Variants in SH3KBP1 observed in about 807,000 individuals in gnomAD.
The protein encoded by SH3KBP1 is SH3 domain-containing kinase-binding protein 1.
A neutral mutation model predicts 50.1 loss-of-function variants in SH3KBP1; 8 were observed. The ratio of observed to expected loss-of-function variants is 0.16; its 90% CI spans 0.09 to 0.29. The LOEUF (loss-of-function observed/expected upper bound fraction) is 0.29. Among genes scored for constraint, SH3KBP1 ranks in the 10% least tolerant of loss-of-function variants. SH3KBP1 has a pLI of 1.00. For synonymous variants in SH3KBP1, 227 were observed against 218.6 expected, an observed-to-expected ratio of 1.04 and a Z score of -0.34; for missense variants, 377 against 535.2, an observed-to-expected ratio of 0.70 and a Z score of 2.92.
At chrX:19,540,626 G>A (rs752753506) in intron 16 of SH3KBP1, among the ~76,000 whole-genome samples, 30 of 111,392 alleles carry the variant, frequency 2.7e-4, no homozygotes, top group African/African-American at 9.8e-4. Flanking sequence ...ACTGGCAGAG[G>A]GCTTCATCGC....
intron 16 of SH3KBP1, among the ~76,000 whole-genome samples, chrX:19,541,075 C>A (rs1390665340): frequency 9.0e-6 from 1 of 111,361 alleles, no homozygotes; most frequent in African/African-American, 3.3e-5. Flanking sequence ...CCACCACGCC[C>A]AACTAATTTT....
At chrX:19,560,167 C>A (rs971110573) in intron 13 of SH3KBP1, among the ~76,000 whole-genome samples, 7 of 108,859 alleles carry the variant, frequency 6.4e-5, no homozygotes, top group Non-Finnish European at 9.5e-5. Flanking sequence ...TTAACAATTT[C>A]TTAAATCTCC....
At chrX:19,616,463 G>C (rs1272575526) in intron 8 of SH3KBP1, among the ~76,000 whole-genome samples, 1 of 112,037 alleles carries the variant, frequency 8.9e-6, no homozygotes, top group Non-Finnish European at 1.9e-5. Context: ...ATTTCCTCTT[G>C]GGGATGCCAA....
intron 1 of SH3KBP1, among the ~76,000 whole-genome samples, chrX:19,836,989 T>C (rs1175039161): frequency 1.8e-5 from 2 of 112,281 alleles, no homozygotes; most frequent in African/African-American, 6.5e-5. Flanking sequence ...GTCATGATTG[T>C]TAAGTTTCCT....
rs1293224020 is a variant in SH3KBP1, at chrX:19,534,915, G to GT, written c.*1501dup. 3.4e-6 allele frequency: 1 copy of GT among 296,096 alleles called. No homozygotes were observed. Among genetic ancestry groups the GT allele is most frequent in the African/African-American group, 2.7e-5 (1 of 36,479 alleles). 24.4% of individuals were successfully genotyped at this position (296,096 alleles called of 1,213,427 possible). ...TCAATGATCAGTAATGTGATTTTTT[G>GT]TTTTTGCATCACTTCTTCGGTATTA... is the stretch of plus-strand genomic sequence containing the variant. On this transcript the variant is annotated 3_prime_UTR_variant, in exon 18 of 18. Coordinates refer to ENST00000397821, the MANE Select transcript of SH3KBP1 (RefSeq NM_031892.3).
rs777017532 is a variant in SH3KBP1, at chrX:19,683,852, C to T, written c.697G>A (p.Val233Ile). 1.4e-5 allele frequency: 17 copies of T among 1,209,580 alleles called. No homozygotes were observed. In the African/African-American group the frequency reaches 2.3e-4, roughly 16 times the overall value. Reference protein sequence around the residue: ...PIKLRPRSIEVENDFLPVEKT... With the variant: ...PIKLRPRSIEIENDFLPVEKT... ...TCTACCGGCAGAAAGTCATTTTCTACTTCAATTGACCTTGGTCTTAGTTTG... is the reference window on the plus strand; with the variant it reads ...TCTACCGGCAGAAAGTCATTTTCTATTTCAATTGACCTTGGTCTTAGTTTG... The change falls in exon 6 of 18, where the codon GTA (valine) becomes ATA (isoleucine). Residue 233 changes from valine (V) to isoleucine (I), a missense_variant. Around this residue, in one of 3 missense-constraint regions of SH3KBP1, gnomAD observed 257 missense variants for 374.2 expected, o/e 0.69. Coordinates refer to ENST00000397821, the MANE Select transcript of SH3KBP1 (RefSeq NM_031892.3).
At chrX:19,536,678 G>T (rs947895001) in intron 17 of SH3KBP1, among the ~76,000 whole-genome samples, 5 of 112,174 alleles carry the variant, frequency 4.5e-5, no homozygotes, top group Admixed American at 3.8e-4. Flanking sequence ...TGCACATTTT[G>T]ATTCTCAGGC....
chrX:19,795,207 TAGCTTGCTTTTGCATGGAGATGC>T (rs2066672851), intron 2 of SH3KBP1, among the ~76,000 whole-genome samples: 2 of 111,812 alleles, frequency 1.8e-5, no homozygotes, highest in Non-Finnish European at 3.8e-5. Context: ...AAAGTTGCTT[TAGCTTGCTTTTGCATGGAGATGC>T]ATCTGTATCT....
intron 6 of SH3KBP1, chrX:19,670,915 A>G (rs1163233639): frequency 1.7e-6 from 2 of 1,165,835 alleles, no homozygotes; most frequent in East Asian, 6.2e-5. Context: ...AAGGTCCCAG[A>G]ACTCCCCTGG....
intron 1 of SH3KBP1, among the ~76,000 whole-genome samples, chrX:19,862,155 G>A (rs141096766): frequency 1.8e-5 from 2 of 111,762 alleles, no homozygotes; most frequent in East Asian, 5.6e-4. Context: ...TGGAAGCTCC[G>A]CTCTTGTTTG....
intron 2 of SH3KBP1, among the ~76,000 whole-genome samples, chrX:19,791,808 C>G (rs1446698064): frequency 9.0e-6 from 1 of 111,311 alleles, no homozygotes; most frequent in Non-Finnish European, 1.9e-5. Flanking sequence ...GGCACGAAAC[C>G]CAAATGGTTT....
At chrX:19,799,545 C>T (rs1682487695) in intron 2 of SH3KBP1, 2 of 941,111 alleles carry the variant, frequency 2.1e-6, no homozygotes, top group Admixed American at 2.3e-5. Flanking sequence ...CCCCATCATG[C>T]CTCCCTCCTG....
At chrX:19,876,758 C>G (rs2069266508) in intron 1 of SH3KBP1, among the ~76,000 whole-genome samples, 1 of 111,628 alleles carries the variant, frequency 9.0e-6, no homozygotes. Context: ...GGGAGGGAGA[C>G]TTTTTCCCGT....
At chrX:19,760,036 CT>C (rs2065346563) in intron 2 of SH3KBP1, among the ~76,000 whole-genome samples, 1 of 65,507 alleles carries the variant, frequency 1.5e-5, no homozygotes, top group Non-Finnish European at 2.7e-5. Context: ...CTCTCTCTCT[CT>C]CTCCCTCTCT....
At chrX:19,546,868 A>G (rs907770111) in intron 14 of SH3KBP1, among the ~76,000 whole-genome samples, 1 of 111,881 alleles carries the variant, frequency 8.9e-6, no homozygotes, top group African/African-American at 3.2e-5. Context: ...AAAAAGCCAG[A>G]TGAGGCCAGA....
intron 2 of SH3KBP1, among the ~76,000 whole-genome samples, chrX:19,792,058 A>G (rs982091639): frequency 2.7e-5 from 3 of 111,598 alleles, no homozygotes; most frequent in African/African-American, 9.8e-5. Flanking sequence ...GGGTGTAAGT[A>G]TGCACATGGA....
chrX:19,875,891 G>A (rs1406113089), intron 1 of SH3KBP1, among the ~76,000 whole-genome samples: 2 of 112,729 alleles, frequency 1.8e-5, no homozygotes, highest in African/African-American at 3.2e-5. Context: ...GCTGCTTCTT[G>A]GGGTCCGGCT....
At chrX:19,549,832 G>C in intron 14 of SH3KBP1, 142 bp downstream of exon 14, 1 of 448,968 alleles carries the variant, frequency 2.2e-6, no homozygotes, top group East Asian at 3.7e-5. Context: ...ACTTTTGGTT[G>C]GCAGTGTATC....
At chrX:19,582,575 AC>A (rs2066410809) in intron 12 of SH3KBP1, among the ~76,000 whole-genome samples, 1 of 110,329 alleles carries the variant, frequency 9.1e-6, no homozygotes, top group Admixed American at 9.6e-5. Context: ...GTAAGCACCA[AC>A]CTCCCCTTTC....
Sources: allele counts gnomAD v4.1 joint callset (sites outside exome capture counted in the v4.1 genomes callset), GRCh38; gene constraint gnomAD v4.1.1; regional missense constraint gnomAD v4.1.1; transcripts MANE v1.5; gene names NCBI Gene and HGNC (gene_info 2026-07-23, HGNC 2026-07-21).